The following SAMD5 variants were observed in gnomAD, a reference collection of about 807,000 sequenced individuals.
SAMD5 encodes sterile alpha motif domain-containing protein 5.
In SAMD5, 13 loss-of-function variants were observed where a neutral mutation model predicts 11.3. That is an observed-to-expected ratio of 1.15 (90% confidence interval 0.75 to 1.83). The LOEUF (loss-of-function observed/expected upper bound fraction) is 1.83, where lower values mean the gene tolerates loss of function less well. Ranked by LOEUF, SAMD5 falls within the 40% of genes most tolerant of loss-of-function variation. The pLI, the probability that SAMD5 is intolerant of heterozygous loss-of-function variation, is 0.00. For missense variants in SAMD5, 255 were observed against 239.1 expected, an observed-to-expected ratio of 1.07 and a Z score of -0.44; for synonymous variants, 129 against 111.3, an observed-to-expected ratio of 1.16 and a Z score of -1.00.
the SAMD5 span, among the ~76,000 whole-genome samples, chr6:147,914,741 A>G: frequency 6.6e-6 from 1 of 152,168 alleles, no homozygotes; most frequent in Non-Finnish European, 1.5e-5. Flanking sequence ...ATAGTGGAGT[A>G]ATCAGTTTCA....
the SAMD5 span, among the ~76,000 whole-genome samples, chr6:147,800,742 G>C: frequency 6.7e-6 from 1 of 148,910 alleles, no homozygotes; most frequent in Non-Finnish European, 1.5e-5. Flanking sequence ...TTTAAAAATA[G>C]CACTAATAAT....
At chr6:147,583,191 G>T (rs1441069810) in intron 1 of SAMD5, among the ~76,000 whole-genome samples, 2 of 152,172 alleles carry the variant, frequency 1.3e-5, no homozygotes, top group Non-Finnish European at 2.9e-5. Flanking sequence ...TTCTCCAGAT[G>T]CCACATCAGG....
At chr6:147,745,484 G>A in the SAMD5 span, among the ~76,000 whole-genome samples, 113,034 of 152,114 alleles carry the variant, frequency 0.74, 42,293 homozygotes, top group Middle Eastern at 0.83. Context: ...TATTATACCC[G>A]TTTAACAGAT....
At chr6:147,871,697 CT>C in the SAMD5 span, among the ~76,000 whole-genome samples, 10 of 152,350 alleles carry the variant, frequency 6.6e-5, no homozygotes, top group East Asian at 1.9e-3. Context: ...AAGCAACTCA[CT>C]TTGTCCTCCC....
chr6:147,512,735 T>C (rs1011400533), intron 1 of SAMD5, among the ~76,000 whole-genome samples: 7 of 152,146 alleles, frequency 4.6e-5, no homozygotes, highest in Admixed American at 2.6e-4. Context: ...TTTACCAAGC[T>C]TCTCTATGCC....
downstream of SAMD5, among the ~76,000 whole-genome samples, chr6:147,573,564 C>A (rs1021839874): frequency 6.6e-6 from 1 of 152,214 alleles, no homozygotes; most frequent in Non-Finnish European, 1.5e-5. Context: ...CACAGCCAAA[C>A]TATGTCACCA....
At chr6:147,516,743 C>T (rs1223570565) in intron 1 of SAMD5, among the ~76,000 whole-genome samples, 1 of 152,216 alleles carries the variant, frequency 6.6e-6, no homozygotes, top group African/African-American at 2.4e-5. Flanking sequence ...ACTTCAAGTA[C>T]CATTGGATCT....
At chr6:147,777,880 G>T in the SAMD5 span, among the ~76,000 whole-genome samples, 1 of 152,288 alleles carries the variant, frequency 6.6e-6, no homozygotes, top group South Asian at 2.1e-4. Flanking sequence ...TCCATTGTAT[G>T]TATATAGCCC....
the SAMD5 span, among the ~76,000 whole-genome samples, chr6:147,900,458 T>C: frequency 6.6e-6 from 1 of 152,226 alleles, no homozygotes; most frequent in African/African-American, 2.4e-5. Context: ...ATTCGTATAA[T>C]GAGCAGTGCT....
At chr6:147,596,760 T>A (rs1220716294) in intron 1 of SAMD5, among the ~76,000 whole-genome samples, 2 of 152,210 alleles carry the variant, frequency 1.3e-5, no homozygotes, top group African/African-American at 4.8e-5. Flanking sequence ...ACCTGCCCAT[T>A]CACTAACATT....
chr6:147,760,436 A>G, the SAMD5 span, among the ~76,000 whole-genome samples: 169 of 152,266 alleles, frequency 1.1e-3, no homozygotes, highest in African/African-American at 3.9e-3. Flanking sequence ...AACTGTAGAT[A>G]AAAGGAAGTA....
chr6:147,739,466 C>T (rs760934631), downstream of SAMD5, among the ~76,000 whole-genome samples: 6 of 152,042 alleles, frequency 3.9e-5, no homozygotes, highest in African/African-American at 7.2e-5. Flanking sequence ...GGCGTAGTGG[C>T]ATGTGCCTGT....
chr6:147,924,893 G>C, the SAMD5 span, among the ~76,000 whole-genome samples: 1 of 151,950 alleles, frequency 6.6e-6, no homozygotes, highest in Non-Finnish European at 1.5e-5. Context: ...TTTAATTCTT[G>C]ATGATATGTA....
chr6:147,655,435 G>T (rs988302926), intron 1 of SAMD5, among the ~76,000 whole-genome samples: 3 of 152,042 alleles, frequency 2.0e-5, no homozygotes, highest in Admixed American at 6.6e-5. Flanking sequence ...ATTTATGCAT[G>T]TATATCCACG....
chr6:147,553,752 G>C (rs1320531479), intron 1 of SAMD5, among the ~76,000 whole-genome samples: 1 of 152,178 alleles, frequency 6.6e-6, no homozygotes, highest in African/African-American at 2.4e-5. Flanking sequence ...TCAGTGTCTT[G>C]AGGGTTATTC....
At chr6:147,726,086 A>G (rs532525597) in intron 1 of SAMD5, among the ~76,000 whole-genome samples, 2 of 152,344 alleles carry the variant, frequency 1.3e-5, no homozygotes, top group East Asian at 3.9e-4. Flanking sequence ...TAAATTTACA[A>G]CCCTACAACA....
chr6:147,692,815 T>C (rs17329933), intron 1 of SAMD5, among the ~76,000 whole-genome samples: 17,394 of 152,274 alleles, frequency 0.11, 1,101 homozygotes, highest in Middle Eastern at 0.16. Flanking sequence ...TAATTGAGAT[T>C]GCAGGTTAGG....
At chr6:147,948,717 G>A in the SAMD5 span, among the ~76,000 whole-genome samples, 2 of 152,082 alleles carry the variant, frequency 1.3e-5, no homozygotes, top group Admixed American at 6.5e-5. Context: ...TTTGGGGGAA[G>A]GGTTCTTTTT....
the SAMD5 span, among the ~76,000 whole-genome samples, chr6:147,938,556 C>T: frequency 3.3e-5 from 5 of 152,222 alleles, no homozygotes; most frequent in Middle Eastern, 3.4e-3. Context: ...CATCCTCATT[C>T]GCTGGGCTGA....
Sources: allele counts gnomAD v4.1 joint callset (sites outside exome capture counted in the v4.1 genomes callset), GRCh38; gene constraint gnomAD v4.1.1; transcripts MANE v1.5; gene names NCBI Gene and HGNC (gene_info 2026-07-23, HGNC 2026-07-21).